MRPL27: variants seen among roughly 807,000 people sequenced by gnomAD.
MRPL27 encodes the protein mitochondrial ribosomal protein L27, also known as large ribosomal subunit protein bL27m.
MRPL27 carries 4 observed loss-of-function variants against 14.6 expected under a neutral mutation model. That is an observed-to-expected ratio of 0.27 (90% CI 0.14 to 0.63). The LOEUF (loss-of-function observed/expected upper bound fraction) is 0.63. MRPL27 is among the 20% of genes least tolerant of loss of function. The pLI, the probability that MRPL27 is intolerant of heterozygous loss-of-function variation, is 0.85. For missense variants in MRPL27, 196 were observed against 192.8 expected (o/e 1.02, Z -0.10); for synonymous variants, 82 against 75.5 (o/e 1.09, Z -0.45).
chr17:50,368,750 A>C (rs997321585), intron 3 of MRPL27: 1 of 669,006 alleles, frequency 1.5e-6, no homozygotes, highest in African/African-American at 1.8e-5. Flanking sequence ...TATATGGATA[A>C]TGCATATGCT....
chr17:50,371,754 G>A (rs1442994141), intron 1 of MRPL27, among the ~76,000 whole-genome samples: 1 of 152,150 alleles, frequency 6.6e-6, no homozygotes, highest in East Asian at 1.9e-4. Flanking sequence ...GTTAAAACAT[G>A]CCCGGCGCCA....
intron 1 of MRPL27, 167 bp downstream of exon 1, chr17:50,372,964 G>C: frequency 1.1e-6 from 1 of 907,882 alleles, no homozygotes; most frequent in Non-Finnish European, 1.7e-6. Context: ...CTCCACCCAG[G>C]ATGTGTCACG....
intron 1 of MRPL27, 134 bp from the exon 2 acceptor site, chr17:50,370,720 T>A (rs1393977834): frequency 3.2e-6 from 4 of 1,263,860 alleles, no homozygotes; most frequent in Non-Finnish European, 4.5e-6. Flanking sequence ...TGCCACTGAG[T>A]GTATTAGTTC....
chr17:50,368,041 C>T lies in MRPL27; in HGVS notation c.*51G>A. The T allele has an allele frequency of 3.1e-6, 5 of 1,600,960 alleles. No homozygotes were observed. The highest frequency in any genetic ancestry group is 3.4e-6 in the Non-Finnish European group (4 of 1,170,028). On this transcript the variant is annotated 3_prime_UTR_variant, in exon 4 of 4. Coordinates refer to ENST00000225969, the MANE Select transcript of MRPL27 (RefSeq NM_016504.3). ...CCCAACCCTTGACTTCTGGTATCAC[C>T]ATCTCCTGTCACCTGGGCTCCAGTC...
intron 1 of MRPL27, among the ~76,000 whole-genome samples, chr17:50,372,272 G>A (rs965383463): frequency 2.0e-5 from 3 of 151,130 alleles, no homozygotes; most frequent in Non-Finnish European, 4.4e-5. Context: ...GGGGGATAGG[G>A]CCCCATTCTG....
chr17:50,370,175 C>G, intron 2 of MRPL27, 76 bp from the exon 3 acceptor site: 1 of 1,447,858 alleles, frequency 6.9e-7, no homozygotes, highest in South Asian at 1.3e-5. Context: ...ATGCTGCACA[C>G]CAACCTCCAA....
At chr17:50,370,308 TC>T in intron 2 of MRPL27, 146 bp downstream of exon 2, 4 of 1,358,748 alleles carry the variant, frequency 2.9e-6, no homozygotes, top group Non-Finnish European at 4.1e-6. Flanking sequence ...CGATGACCCT[TC>T]CTCAGGTCTT....
chr17:50,370,679 A>G (rs202245443), intron 1 of MRPL27, 93 bp from the exon 2 acceptor site: 18 of 1,540,248 alleles, frequency 1.2e-5, no homozygotes, highest in Non-Finnish European at 1.6e-5. Context: ...GGCGGTGGGG[A>G]GATGAGAAAG....
intron 1 of MRPL27, among the ~76,000 whole-genome samples, chr17:50,371,570 A>G (rs1170898105): frequency 2.0e-5 from 3 of 152,198 alleles, no homozygotes; most frequent in Non-Finnish European, 4.4e-5. Context: ...CCTTGCCTGC[A>G]GGTCTCCAGA....
At chr17:50,369,383 C>T (rs775621365) in intron 3 of MRPL27, 9 of 145,462 alleles carry the variant, frequency 6.2e-5, no homozygotes, top group Non-Finnish European at 1.0e-4. Flanking sequence ...CTAAAATTAT[C>T]GAAAAAGGGG....
chr17:50,373,057 A>C (rs1598358577), intron 1 of MRPL27, 74 bp downstream of exon 1: 32 of 1,511,474 alleles, frequency 2.1e-5, no homozygotes, highest in African/African-American at 2.8e-5. Flanking sequence ...GATCAGTGTC[A>C]CCTCCTTCCC....
At position 50,370,393 on chromosome 17, in the gene MRPL27, C is replaced by T; in HGVS notation, c.172+62G>A. The T allele has an allele frequency of 8.1e-6, 13 of 1,609,678 alleles. No homozygotes were observed. The South Asian group carries it at 1.2e-4, about 15-fold the overall frequency. ...GCCAGGCACACGCAGGGTTCTTCTG[C>T]TCTCCTAAGGAACATGAGGACAGGG... On this transcript the variant is annotated intron_variant, in intron 2 of 3. Coordinates refer to ENST00000225969, the MANE Select transcript of MRPL27 (RefSeq NM_016504.3).
intron 3 of MRPL27, chr17:50,369,214 A>C: frequency 3.9e-6 from 1 of 255,666 alleles, no homozygotes; most frequent in Non-Finnish European, 7.4e-6. Flanking sequence ...AATACTGTCT[A>C]GCTCAAAATG....
rs113983688 is a variant in MRPL27 at position 50,373,162 on chromosome 17, C to G, written c.9G>C (p.Ser3=). Reference sequence around the variant, plus strand: ...TCCGGGTCCTCAGCGCCAACACCACCGACGCCATGCTTTCGATCACTCACT... The same window carrying G: ...TCCGGGTCCTCAGCGCCAACACCACGGACGCCATGCTTTCGATCACTCACT... The part of the protein sequence containing the change: MA[S]VVLALRTRTA... Residue 3 remains serine (S), a synonymous_variant, in exon 1 of 4, where the codon TCG becomes TCC. Transcript: ENST00000225969. The G allele has an allele frequency of 7.3e-4, 1,175 of 1,612,170 alleles. 11 individuals carry two copies. The African/African-American group carries it at 0.014, about 19-fold the overall frequency.
Position 50,368,329 on chromosome 17 carries a change from GCTGGT to G in MRPL27, c.241-36_241-32del, listed in dbSNP as rs751556874. Reference sequence around the variant, plus strand: ...ACACACAGACCTGGTCAGCTGGTCAGCTGGTCAGCGAGGTGGTCCGTCCCAGAATT... The same window carrying G: ...ACACACAGACCTGGTCAGCTGGTCAGCAGCGAGGTGGTCCGTCCCAGAATT... On this transcript the variant is annotated intron_variant, in intron 3 of 3. Coordinates refer to ENST00000225969, the MANE Select transcript of MRPL27 (RefSeq NM_016504.3). 5.0e-6 allele frequency: 8 copies of G among 1,606,874 alleles called. No homozygotes were observed. The South Asian group carries it at 7.8e-5, about 16-fold the overall frequency.
chr17:50,368,486 A>T, intron 3 of MRPL27, 188 bp from the exon 4 acceptor site: 1 of 630,550 alleles, frequency 1.6e-6, no homozygotes. Flanking sequence ...GACTCATAAC[A>T]AATGAGGGAA....
intron 2 of MRPL27, 73 bp downstream of exon 2, chr17:50,370,382 G>A (rs186505416): frequency 4.4e-6 from 7 of 1,604,168 alleles, no homozygotes; most frequent in Non-Finnish European, 6.0e-6. Context: ...GGCACACGCA[G>A]GGTTCTTCTG....
chr17:50,372,558 G>A (rs1598358316), intron 1 of MRPL27, among the ~76,000 whole-genome samples: 1 of 152,048 alleles, frequency 6.6e-6, no homozygotes, highest in East Asian at 1.9e-4. Context: ...CATTCTTTAG[G>A]TTTTAAATGT....
intron 2 of MRPL27, 82 bp downstream of exon 2, chr17:50,370,373 G>GC: frequency 6.3e-7 from 1 of 1,592,204 alleles, no homozygotes; most frequent in Non-Finnish European, 8.6e-7. Context: ...ACAGGGCCAG[G>GC]CACACGCAGG....
Sources: allele counts gnomAD v4.1 joint callset (sites outside exome capture counted in the v4.1 genomes callset), GRCh38; gene constraint gnomAD v4.1.1; transcripts MANE v1.5; gene names NCBI Gene and HGNC (gene_info 2026-07-23, HGNC 2026-07-21).